Variants in SMC1B observed in about 807,000 individuals in gnomAD.
SMC1B encodes the protein structural maintenance of chromosomes protein 1B.
SMC1B carries 60 observed loss-of-function variants against 157.9 expected under a neutral mutation model. The observed-to-expected ratio is 0.38, with a 90% CI of 0.31 to 0.47. The LOEUF is 0.47. Among genes scored for constraint, SMC1B ranks in the 20% least tolerant of loss-of-function variants. SMC1B has a pLI of 0.99. For missense variants in SMC1B, 1,165 were observed against 1,426.2 expected (o/e 0.82, Z 2.95); for synonymous variants, 445 against 483.0 (o/e 0.92, Z 1.03).
In SMC1B at chr22:45,354,002, C is replaced by A; in HGVS notation, c.3249G>T (p.Lys1083Asn). Reference sequence around the variant, plus strand: ...CTTGGGCGCTGTTGTTTCTGCAGAGCTTCTTGTAGATTTGATCAATTGAGA... The same window carrying A: ...CTTGGGCGCTGTTGTTTCTGCAGAGATTCTTGTAGATTTGATCAATTGAGA... Reference protein sequence around the residue: ...VSISIDQIYKKLCRNNSAQAF... With the variant: ...VSISIDQIYKNLCRNNSAQAF... Residue 1083 changes from lysine (K) to asparagine (N), a missense_variant, in exon 21 of 25, where the codon AAG (lysine) becomes AAT (asparagine). Transcript: ENST00000357450. The A allele has an allele frequency of 6.3e-7, 1 of 1,576,670 alleles. No homozygotes were observed. Among genetic ancestry groups the A allele is most frequent in the South Asian group, 1.2e-5 (1 of 86,592 alleles).
In SMC1B at chr22:45,386,896, T is replaced by C; in HGVS notation, c.1882A>G (p.Ile628Val). ...VCETMEEARH[I>V]ALSGPERQKT... ...TGTCTTTCAGGTCCACTGAGTGCAA[T>C]ATGCCTTGCTTCTTCCATAGTCTCA... Residue 628 changes from isoleucine to valine, a missense_variant, in exon 11 of 25, where the codon ATT becomes GTT. Physicochemically the swap from Ile to Val is conservative, Grantham distance 29. Coordinates refer to ENST00000357450, the MANE Select transcript of SMC1B (RefSeq NM_148674.5). 6.2e-7 allele frequency: 1 copy of C among 1,614,014 alleles called. No homozygotes were observed. The highest frequency in any genetic ancestry group is 1.1e-5 in the South Asian group (1 of 91,066).
intron 12 of SMC1B, among the ~76,000 whole-genome samples, chr22:45,374,239 G>C (rs942653292): frequency 4.6e-5 from 7 of 151,006 alleles, no homozygotes; most frequent in African/African-American, 7.3e-5. Context: ...GAAAGTTCAA[G>C]CATATCATGA....
At chr22:45,380,107 G>A (rs1472045640) in intron 12 of SMC1B, among the ~76,000 whole-genome samples, 1 of 152,042 alleles carries the variant, frequency 6.6e-6, no homozygotes, top group East Asian at 1.9e-4. Context: ...TTGCTTATTG[G>A]CAGATCCTCG....
intron 2 of SMC1B, 53 bp downstream of exon 2, chr22:45,408,657 C>G: frequency 1.6e-6 from 2 of 1,266,510 alleles, no homozygotes; most frequent in Non-Finnish European, 2.2e-6. Flanking sequence ...AAAAAATGGG[C>G]AATCTTACTT....
intron 23 of SMC1B, 127 bp downstream of exon 23, chr22:45,349,601 T>G (rs2086590576): frequency 1.5e-6 from 1 of 663,804 alleles, no homozygotes; most frequent in Admixed American, 3.0e-5. Flanking sequence ...CCCATAGTGC[T>G]GGGATTACAG....
chr22:45,388,026 C>G (rs2087008947), intron 10 of SMC1B, among the ~76,000 whole-genome samples: 1 of 116,140 alleles, frequency 8.6e-6, no homozygotes. Context: ...GGGTGAGCCT[C>G]TGTCAAAAAA....
intron 15 of SMC1B, among the ~76,000 whole-genome samples, chr22:45,367,188 C>A (rs2086784715): frequency 6.6e-6 from 1 of 152,170 alleles, no homozygotes; most frequent in Admixed American, 6.5e-5. Context: ...GGATGTACAT[C>A]TATCTCTTCA....
intron 11 of SMC1B, 25 bp downstream of exon 11, chr22:45,386,842 G>A (rs757953575): frequency 2.1e-5 from 34 of 1,602,148 alleles, no homozygotes; most frequent in Non-Finnish European, 2.8e-5. Context: ...TTATCCAAAG[G>A]TGTGATCCAA....
chr22:45,405,016 C>A (rs2087242215), intron 4 of SMC1B, among the ~76,000 whole-genome samples: 1 of 152,110 alleles, frequency 6.6e-6, no homozygotes, highest in African/African-American at 2.4e-5. Context: ...GGAGGGGGTG[C>A]TAATTTAGAT....
intron 12 of SMC1B, among the ~76,000 whole-genome samples, chr22:45,380,253 T>C (rs1315580684): frequency 6.6e-6 from 1 of 152,192 alleles, no homozygotes; most frequent in East Asian, 1.9e-4. Context: ...GCAGGTAGCT[T>C]AGCATTGCTT....
At position 45,344,465 on chromosome 22, in the gene SMC1B, C is replaced by G. The variant is rs2086529958; in HGVS notation, c.*91G>C. On this transcript the variant is annotated 3_prime_UTR_variant, in exon 25 of 25. Transcript: ENST00000357450. ...CTCTTAAAGGGTGCACCAGGCTGGT[C>G]CTGCTTGCTCCAGAAGTCTCCTGTG... 4 of 902,228 alleles carry G rather than the reference C, an allele frequency of 4.4e-6. No homozygotes were observed. The South Asian group carries it at 4.5e-5, about 10-fold the overall frequency. 55.9% of individuals were successfully genotyped at this position (902,228 alleles called of 1,614,324 possible).
chr22:45,384,844 T>C (rs1296423387), intron 11 of SMC1B, among the ~76,000 whole-genome samples: 3 of 152,210 alleles, frequency 2.0e-5, no homozygotes, highest in African/African-American at 7.2e-5. Context: ...AGTTTTAGAT[T>C]AACTATATTT....
chr22:45,359,551 T>C (rs2086701014), intron 18 of SMC1B, among the ~76,000 whole-genome samples: 2 of 152,334 alleles, frequency 1.3e-5, no homozygotes, highest in East Asian at 1.9e-4. Flanking sequence ...CTGTGGCTCA[T>C]TGTGCAAAAA....
At chr22:45,358,837 T>C (rs1013059791) in intron 18 of SMC1B, 42 bp from the exon 19 acceptor site, 6 of 1,454,412 alleles carry the variant, frequency 4.1e-6, no homozygotes, top group Non-Finnish European at 4.8e-6. Context: ...ATTAAGTTTG[T>C]TGTCTTATAT....
intron 22 of SMC1B, 50 bp downstream of exon 22, chr22:45,352,401 C>T: frequency 6.5e-7 from 1 of 1,538,870 alleles, no homozygotes; most frequent in Non-Finnish European, 8.8e-7. Flanking sequence ...TAGGAAGGTC[C>T]CCTTGGCTTC....
At chr22:45,351,352 G>A (rs2086613493) in intron 22 of SMC1B, among the ~76,000 whole-genome samples, 1 of 152,200 alleles carries the variant, frequency 6.6e-6, no homozygotes, top group Non-Finnish European at 1.5e-5. Flanking sequence ...AAATGGATGT[G>A]GGTGCCACCT....
intron 6 of SMC1B, 136 bp from the exon 7 acceptor site, chr22:45,396,622 C>G (rs779731200): frequency 6.5e-5 from 34 of 519,378 alleles, no homozygotes; most frequent in Non-Finnish European, 1.0e-4. Flanking sequence ...CATAATCGAC[C>G]ACCTTCCCCC....
At chr22:45,388,292 C>A (rs6007012) in intron 10 of SMC1B, among the ~76,000 whole-genome samples, 74,766 of 151,922 alleles carry the variant, frequency 0.49, 21,529 homozygotes, top group African/African-American at 0.8. Flanking sequence ...TAGTTATATA[C>A]ATTGAGTGTA....
intron 11 of SMC1B, among the ~76,000 whole-genome samples, chr22:45,384,362 T>C (rs887543178): frequency 2.6e-5 from 4 of 152,204 alleles, no homozygotes; most frequent in Non-Finnish European, 4.4e-5. Context: ...CTTTATTAGG[T>C]GAATTCATTC....
Sources: allele counts gnomAD v4.1 joint callset (sites outside exome capture counted in the v4.1 genomes callset), GRCh38; gene constraint gnomAD v4.1.1; transcripts MANE v1.5; gene names NCBI Gene and HGNC (gene_info 2026-07-23, HGNC 2026-07-21).